The following RFTN2 variants were observed in gnomAD, a reference collection of about 807,000 sequenced individuals.
RFTN2 encodes raftlin-2.
RFTN2 carries 34 observed loss-of-function variants against 52.7 expected under a neutral mutation model. That is an observed-to-expected ratio of 0.64 (90% CI 0.49 to 0.86). RFTN2 has a LOEUF of 0.86. Ranked by LOEUF, RFTN2 falls within the 40% of genes least tolerant of loss-of-function variation. The pLI, the probability that RFTN2 is intolerant of heterozygous loss-of-function variation, is 0.00. For missense variants in RFTN2, 536 were observed against 600.1 expected (o/e 0.89, Z 1.12); for synonymous variants, 203 against 217.7 (o/e 0.93, Z 0.59).
At chr2:197,653,521 C>T (rs2088851999) in intron 1 of RFTN2, among the ~76,000 whole-genome samples, 2 of 150,448 alleles carry the variant, frequency 1.3e-5, no homozygotes, top group South Asian at 4.2e-4. Flanking sequence ...CTCTGACATG[C>T]TCATTAAAAA....
At chr2:197,626,621 T>C (rs1490548512) in intron 5 of RFTN2, among the ~76,000 whole-genome samples, 38 of 129,990 alleles carry the variant, frequency 2.9e-4, no homozygotes, top group Non-Finnish European at 5.6e-4. Context: ...AATCTTCTTT[T>C]TTTTTTTTTT....
intron 3 of RFTN2, among the ~76,000 whole-genome samples, chr2:197,637,546 C>A (rs2088589058): frequency 6.6e-6 from 1 of 152,174 alleles, no homozygotes; most frequent in Non-Finnish European, 1.5e-5. Context: ...TTGTAGTATT[C>A]TCTGATGGTA....
chr2:197,644,517 C>A (rs1256918749), intron 2 of RFTN2, among the ~76,000 whole-genome samples: 2 of 152,194 alleles, frequency 1.3e-5, no homozygotes, highest in East Asian at 1.9e-4. Context: ...AGAAAAGCTT[C>A]ATGTCTGTAG....
At chr2:197,653,378 G>A (rs188561945) in intron 1 of RFTN2, among the ~76,000 whole-genome samples, 1 of 152,258 alleles carries the variant, frequency 6.6e-6, no homozygotes, top group East Asian at 1.9e-4. Flanking sequence ...GTGAGGAACA[G>A]GGCACCATCT....
At chr2:197,644,106 G>A in intron 3 of RFTN2, 52 bp downstream of exon 3, 2 of 1,024,178 alleles carry the variant, frequency 2.0e-6, no homozygotes, top group Admixed American at 1.7e-5. Flanking sequence ...TGATGAAGAT[G>A]AAATACCAAA....
At position 197,633,907 on chromosome 2, in the gene RFTN2, C is replaced by G; in HGVS notation, c.529G>C (p.Asp177His). The G allele has an allele frequency of 6.2e-7, 1 of 1,613,858 alleles. No homozygotes were observed. Among genetic ancestry groups the G allele is most frequent in the African/African-American group, 1.3e-5 (1 of 75,038 alleles). The change falls in exon 4 of 9, where the codon GAT (aspartate) becomes CAT (histidine). Residue 177 changes from aspartate to histidine, a missense_variant. Asp to His is a moderately conservative substitution (Grantham distance 81). Transcript: ENST00000295049. ...TGTAGCATCGATTCTATATCTCCAT[C>G]ATGGTTGGTTCCATTGCAGAATTTA... ...PSKFCNGTNHDGDIESMLHVR... is the reference protein window; with the variant it reads ...PSKFCNGTNHHGDIESMLHVR...
At chr2:197,635,088 A>G (rs1340231018) in intron 3 of RFTN2, among the ~76,000 whole-genome samples, 1 of 152,138 alleles carries the variant, frequency 6.6e-6, no homozygotes, top group Non-Finnish European at 1.5e-5. Flanking sequence ...ATGGCTGCAT[A>G]GTATTCCATG....
intron 8 of RFTN2, among the ~76,000 whole-genome samples, chr2:197,582,428 T>C (rs768495673): frequency 5.9e-5 from 9 of 152,228 alleles, no homozygotes; most frequent in Non-Finnish European, 8.8e-5. Flanking sequence ...CCATATTTCC[T>C]TCTTTCCTAT....
In RFTN2 at chr2:197,675,327, A is replaced by G. The variant is rs148015433; in HGVS notation, c.132T>C (p.Thr44=). Reference sequence around the variant, plus strand: ...AATAGAAGCAAAAAGTACCTTGTAGAGTAAAATCCAGCAATACATATTCGT... The same window carrying G: ...AATAGAAGCAAAAAGTACCTTGTAGGGTAAAATCCAGCAATACATATTCGT... The part of the protein sequence containing the change: ...FAYEYVLLDF[T]LQASSNPEVI... Residue 44 remains threonine (T), a synonymous_variant, in exon 1 of 9, where the codon ACT becomes ACC. Transcript: ENST00000295049. The G allele has an allele frequency of 8.2e-5, 131 of 1,597,114 alleles. No individual in the cohort carries two copies. Among genetic ancestry groups the G allele is most frequent in the Non-Finnish European group, 1.1e-4 (128 of 1,172,358 alleles).
chr2:197,581,457 C>T (rs1464871335), intron 8 of RFTN2, among the ~76,000 whole-genome samples: 2 of 152,194 alleles, frequency 1.3e-5, no homozygotes, highest in African/African-American at 4.8e-5. Context: ...CTTACCTGGG[C>T]TCTACTGCCG....
chr2:197,581,781 C>T (rs989966760), intron 8 of RFTN2, among the ~76,000 whole-genome samples: 15 of 152,200 alleles, frequency 9.9e-5, no homozygotes, highest in Non-Finnish European at 1.5e-5. Context: ...ACCCCTTCTA[C>T]AAAACAACAA....
At chr2:197,587,272 C>T (rs932436562) in intron 8 of RFTN2, among the ~76,000 whole-genome samples, 2 of 152,068 alleles carry the variant, frequency 1.3e-5, no homozygotes, top group African/African-American at 4.8e-5. Context: ...CCCATTATCT[C>T]TCCATACCAC....
chr2:197,591,858 G>A (rs995525056), intron 8 of RFTN2, among the ~76,000 whole-genome samples: 17 of 151,948 alleles, frequency 1.1e-4, no homozygotes, highest in African/African-American at 3.6e-4. Context: ...CCGAGCCCAC[G>A]CCCATCTGGA....
intron 8 of RFTN2, among the ~76,000 whole-genome samples, chr2:197,586,235 C>A (rs1421261074): frequency 6.6e-6 from 1 of 152,184 alleles, no homozygotes; most frequent in African/African-American, 2.4e-5. Flanking sequence ...TACCCAGCCC[C>A]ATAAATAACA....
intron 5 of RFTN2, among the ~76,000 whole-genome samples, chr2:197,618,722 G>A (rs1252068617): frequency 1.3e-5 from 2 of 151,062 alleles, no homozygotes; most frequent in Admixed American, 1.3e-4. Context: ...GATGTGGGGA[G>A]CACCTCTGCC....
In RFTN2 at chr2:197,594,257, G is replaced by A. The variant is rs374718150; in HGVS notation, c.1233+1734C>T. Among the ~76,000 whole-genome samples, 65 of 151,734 alleles carry A rather than the reference G, an allele frequency of 4.3e-4. 1 individual carries two copies. The South Asian group carries it at 0.013, about 30-fold the overall frequency. On this transcript the variant is annotated intron_variant, in intron 8 of 8. Transcript: ENST00000295049. ...TCTTGATCTCTTGACCTCATGATCC[G>A]CCCACTTCCGCCTCCCAGAGTGCTG...
In RFTN2 at chr2:197,630,002, G is replaced by C. The variant is rs368437044; in HGVS notation, c.928+1009C>G. Among the ~76,000 whole-genome samples the C allele has an allele frequency of 7.9e-5, 12 of 152,308 alleles. No homozygotes were observed. The East Asian group carries it at 1.3e-3, about 17-fold the overall frequency. On this transcript the variant is annotated intron_variant, in intron 5 of 8. Coordinates refer to ENST00000295049, the MANE Select transcript of RFTN2 (RefSeq NM_144629.3). Reference sequence around the variant, plus strand: ...GCCTCCCAAAGTGCTGGGATTACAGGTGTGAGCCACAGTGCCTGGCCTACT... The same window carrying C: ...GCCTCCCAAAGTGCTGGGATTACAGCTGTGAGCCACAGTGCCTGGCCTACT...
intron 1 of RFTN2, among the ~76,000 whole-genome samples, chr2:197,667,243 C>T (rs2089074993): frequency 6.6e-6 from 1 of 152,210 alleles, no homozygotes; most frequent in Non-Finnish European, 1.5e-5. Flanking sequence ...GCCTCACCCT[C>T]CCAAAGTGTT....
intron 8 of RFTN2, among the ~76,000 whole-genome samples, chr2:197,585,442 C>G (rs1185367295): frequency 6.6e-6 from 1 of 152,130 alleles, no homozygotes; most frequent in East Asian, 1.9e-4. Flanking sequence ...ACTTTTAAGT[C>G]TCTCTTAAGG....
Sources: allele counts gnomAD v4.1 joint callset (sites outside exome capture counted in the v4.1 genomes callset), GRCh38; gene constraint gnomAD v4.1.1; transcripts MANE v1.5; gene names NCBI Gene and HGNC (gene_info 2026-07-23, HGNC 2026-07-21).